Variants in AOPEP observed in about 807,000 individuals in gnomAD.
The protein encoded by AOPEP is aminopeptidase O (putative).
A neutral mutation model predicts 98.1 loss-of-function variants in AOPEP; 77 were observed. The ratio of observed to expected loss-of-function variants is 0.78; its 90% CI spans 0.65 to 0.95. The LOEUF is 0.95. Among genes scored for constraint, AOPEP ranks in the 40% least tolerant of loss-of-function variants. The pLI, the probability that AOPEP is intolerant of heterozygous loss-of-function variation, is 0.00. For missense variants in AOPEP, 1,024 were observed against 1,024.7 expected (o/e 1.00, Z 0.01); for synonymous variants, 346 against 365.3 (o/e 0.95, Z 0.60).
At chr9:95,056,635 A>T (rs1194066043) in intron 13 of AOPEP, 1 of 152,146 alleles carries the variant, frequency 6.6e-6, no homozygotes, top group Admixed American at 6.5e-5. Flanking sequence ...TGGAAAATTC[A>T]TATTTTCTTT....
At chr9:94,893,003 A>G (rs1041002740) in intron 5 of AOPEP, among the ~76,000 whole-genome samples, 4 of 152,060 alleles carry the variant, frequency 2.6e-5, no homozygotes, top group African/African-American at 4.8e-5. Flanking sequence ...GTTTTATGCT[A>G]TTTTCTTGAT....
chr9:94,897,006 GT>G (rs2049677160), intron 5 of AOPEP, among the ~76,000 whole-genome samples: 1 of 147,796 alleles, frequency 6.8e-6, no homozygotes, highest in Non-Finnish European at 1.5e-5. Flanking sequence ...AAATTTGAAT[GT>G]GAAACATAAG....
chr9:94,913,257 A>G (rs568417619), intron 5 of AOPEP, among the ~76,000 whole-genome samples: 2 of 152,206 alleles, frequency 1.3e-5, no homozygotes, highest in Non-Finnish European at 2.9e-5. Context: ...TCATAATTTT[A>G]AATGGAAAGG....
At chr9:94,848,209 T>C (rs969359527) in intron 5 of AOPEP, among the ~76,000 whole-genome samples, 10 of 151,942 alleles carry the variant, frequency 6.6e-5, no homozygotes, top group African/African-American at 2.4e-4. Context: ...TCCCAGCACT[T>C]TGGGAGGCCA....
At chr9:94,776,363 G>A (rs914821069) in intron 3 of AOPEP, among the ~76,000 whole-genome samples, 5 of 152,200 alleles carry the variant, frequency 3.3e-5, no homozygotes, top group South Asian at 2.1e-4. Context: ...GTGCAGTGGC[G>A]TGATCTCGGC....
intron 5 of AOPEP, among the ~76,000 whole-genome samples, chr9:94,818,721 G>A (rs147825981): frequency 0.032 from 4,919 of 152,198 alleles, 270 homozygotes; most frequent in African/African-American, 0.11. Flanking sequence ...AAGGCCGGGC[G>A]CGGTGGCTCA....
intron 7 of AOPEP, among the ~76,000 whole-genome samples, chr9:94,948,433 T>TTTTTTTTTTTTTTTTTTTTTTTTG (rs2057848878): frequency 6.7e-6 from 1 of 149,822 alleles, no homozygotes; most frequent in African/African-American, 2.6e-5. Context: ...CTAACTCTTG[T>TTTTTTTTTTTTTTTTTTTTTTTTG]AGTTCATCAT....
intron 5 of AOPEP, among the ~76,000 whole-genome samples, chr9:94,859,027 C>CAA (rs150094940): frequency 2.3e-5 from 3 of 132,818 alleles, no homozygotes; most frequent in Middle Eastern, 3.9e-3. Flanking sequence ...GACTCCATTT[C>CAA]AAAAAAAAAG....
chr9:94,816,617 G>A (rs1851753668), intron 5 of AOPEP, among the ~76,000 whole-genome samples: 2 of 152,164 alleles, frequency 1.3e-5, no homozygotes, highest in South Asian at 2.1e-4. Flanking sequence ...GGGCATATAG[G>A]TTGGTAAGGA....
At chr9:95,060,609 G>T in intron 13 of AOPEP, 85 bp from the exon 14 acceptor site, 1 of 887,078 alleles carries the variant, frequency 1.1e-6, no homozygotes, top group Non-Finnish European at 1.9e-6. Flanking sequence ...GTTACCCTGG[G>T]TATGTGGTCT....
At position 94,982,515 on chromosome 9, in the gene AOPEP, AT is replaced by A. The variant is rs879342720; in HGVS notation, c.1977+3089del. ...TCCAAACTAAGTTATTCATTTAAGG[AT>A]ATACACTGAGTAGTTTCCCACATCC... On this transcript the variant is annotated intron_variant, in intron 11 of 16. Coordinates refer to ENST00000375315, the MANE Select transcript of AOPEP (RefSeq NM_001193329.3). Among the ~76,000 whole-genome samples, 1,341 of 151,864 alleles carry A rather than the reference AT, an allele frequency of 8.8e-3. 11 individuals are homozygous for A. Among genetic ancestry groups the A allele is most frequent in the Middle Eastern group, 0.017 (5 of 294 alleles).
the AOPEP span, among the ~76,000 whole-genome samples, chr9:95,105,236 G>C: frequency 6.6e-6 from 1 of 152,164 alleles, no homozygotes; most frequent in East Asian, 1.9e-4. Flanking sequence ...CCTGGCCCTG[G>C]TTCTTGGCAG....
chr9:94,754,224 A>G (rs958241950), intron 1 of AOPEP, among the ~76,000 whole-genome samples: 6 of 152,192 alleles, frequency 3.9e-5, no homozygotes, highest in African/African-American at 1.2e-4. Flanking sequence ...TCCTGTGACT[A>G]TATGCATTTG....
At chr9:94,744,040 C>T (rs534254416) in intron 1 of AOPEP, among the ~76,000 whole-genome samples, 1 of 152,064 alleles carries the variant, frequency 6.6e-6, no homozygotes, top group Non-Finnish European at 1.5e-5. Context: ...TACTGAATAA[C>T]AAGGCAATGG....
At chr9:95,013,890 G>C (rs531548237) in intron 13 of AOPEP, among the ~76,000 whole-genome samples, 32 of 152,238 alleles carry the variant, frequency 2.1e-4, no homozygotes, top group African/African-American at 5.8e-4. Flanking sequence ...TGGACACCCA[G>C]ATTTTTTCTA....
At chr9:95,010,014 G>A (rs934836970) in intron 13 of AOPEP, among the ~76,000 whole-genome samples, 1 of 150,620 alleles carries the variant, frequency 6.6e-6, no homozygotes, top group Non-Finnish European at 1.5e-5. Context: ...TATTTCATTT[G>A]TTCCTTGTAC....
intron 14 of AOPEP, among the ~76,000 whole-genome samples, chr9:95,061,850 ATTTACAACTG>A (rs2067344061): frequency 6.6e-6 from 1 of 152,226 alleles, no homozygotes; most frequent in Admixed American, 6.5e-5. Context: ...CATAGACCAA[ATTTACAACTG>A]TTGCTGTTTA....
chr9:95,020,183 C>G (rs1430455172), intron 13 of AOPEP: 1 of 152,292 alleles, frequency 6.6e-6, no homozygotes, highest in Non-Finnish European at 1.5e-5. Context: ...AGCTGTCTGC[C>G]CAGGTAGCTC....
chr9:94,923,953 G>T, intron 5 of AOPEP, 33 bp from the exon 6 acceptor site: 1 of 1,355,538 alleles, frequency 7.4e-7, no homozygotes, highest in South Asian at 1.9e-5. Flanking sequence ...GCTCTAACAA[G>T]ACTCTGTGCA....
Sources: gnomAD v4.1 joint callset for allele counts (sites outside exome capture counted in the v4.1 genomes callset) on GRCh38, gnomAD v4.1.1 for gene constraint, MANE v1.5 for transcripts, NCBI Gene and HGNC (gene_info 2026-07-23, HGNC 2026-07-21) for gene names.